Variants in PALM2AKAP2 observed in about 807,000 individuals in gnomAD.
PALM2AKAP2 encodes the protein PALM2 and AKAP2 fusion.
In PALM2AKAP2, 37 loss-of-function variants were observed where a neutral mutation model predicts 71.5. The observed-to-expected ratio is 0.52, with a 90% CI of 0.40 to 0.68. PALM2AKAP2 has a LOEUF of 0.68. PALM2AKAP2 is among the 30% of genes least tolerant of loss of function. The pLI is 0.00. For missense variants in PALM2AKAP2, 1,224 were observed against 1,191.8 expected, an observed-to-expected ratio of 1.03 and a Z score of -0.40; for synonymous variants, 468 against 478.8, an observed-to-expected ratio of 0.98 and a Z score of 0.29.
chr9:109,945,894 C>A (rs1194757714), intron 6 of PALM2AKAP2: 1 of 152,220 alleles, frequency 6.6e-6, no homozygotes, highest in South Asian at 2.1e-4. Flanking sequence ...TATCTGTATT[C>A]TCTTCACTAA....
At chr9:110,001,088 C>T (rs1417020001) in intron 6 of PALM2AKAP2, among the ~76,000 whole-genome samples, 3 of 152,206 alleles carry the variant, frequency 2.0e-5, no homozygotes, top group Non-Finnish European at 4.4e-5. Context: ...AATCCTTACC[C>T]ATGCCTATGT....
At chr9:109,672,959 T>A (rs2118495324) in intron 1 of PALM2AKAP2, among the ~76,000 whole-genome samples, 1 of 152,096 alleles carries the variant, frequency 6.6e-6, no homozygotes, top group Admixed American at 6.6e-5. Context: ...TCCTCCTTGG[T>A]GTTTCTGATT....
intron 1 of PALM2AKAP2, among the ~76,000 whole-genome samples, chr9:109,710,915 A>G (rs1828224712): frequency 6.6e-6 from 1 of 152,172 alleles, no homozygotes; most frequent in Non-Finnish European, 1.5e-5. Context: ...AGCAGGAGCT[A>G]CAGTTTATAA....
intron 1 of PALM2AKAP2, among the ~76,000 whole-genome samples, chr9:110,100,351 G>A (rs549190259): frequency 6.6e-6 from 1 of 152,176 alleles, no homozygotes; most frequent in South Asian, 2.1e-4. Flanking sequence ...ACATGTTTCA[G>A]CGTTTGTCTC....
At chr9:110,046,432 C>A, upstream of PALM2AKAP2, among the ~76,000 whole-genome samples, 1 of 149,216 alleles carries the variant, frequency 6.7e-6, no homozygotes, top group African/African-American at 2.5e-5. Flanking sequence ...AGTAAAGAAG[C>A]AATTCAGAAT....
chr9:109,865,096 C>CTTTTTTTTT (rs58922983), intron 1 of PALM2AKAP2, among the ~76,000 whole-genome samples: 6,721 of 75,398 alleles, frequency 0.089, 1,560 homozygotes, highest in Middle Eastern at 0.14. Context: ...CTACTCATTC[C>CTTTTTTTTT]TTTTTTTTTT....
At position 109,969,447 on chromosome 9, in the gene PALM2AKAP2, A is replaced by T. The variant is rs145155832; in HGVS notation, c.496+37419A>T. 1.2e-3 allele frequency among the ~76,000 whole-genome samples: 182 copies of T among 152,362 alleles called. 1 individual carries two copies. The highest frequency in any genetic ancestry group is 4.3e-3 in the African/African-American group (177 of 41,588). ...TCTTGGTCCACACACTTATGCAAGA[A>T]GTGCCACTTTGTTTTCTTTAAATCA... On this transcript the variant is annotated intron_variant, in intron 6 of 9. Transcript: ENST00000302798.
intron 3 of PALM2AKAP2, among the ~76,000 whole-genome samples, chr9:110,165,214 A>G (rs765211224): frequency 6.6e-6 from 1 of 151,988 alleles, no homozygotes; most frequent in Non-Finnish European, 1.5e-5. Context: ...AAATAAAGGA[A>G]TGAACTTTAG....
chr9:110,052,720 A>G (rs1833736134), intron 1 of PALM2AKAP2, among the ~76,000 whole-genome samples: 1 of 152,234 alleles, frequency 6.6e-6, no homozygotes, highest in Non-Finnish European at 1.5e-5. Context: ...CTGGTTAGCT[A>G]TTCCGTCTTC....
intron 6 of PALM2AKAP2, among the ~76,000 whole-genome samples, chr9:109,985,547 G>T (rs1022245523): frequency 3.3e-5 from 5 of 151,694 alleles, no homozygotes; most frequent in African/African-American, 1.2e-4. Flanking sequence ...GTGAACCTGG[G>T]GGGTGGAGCT....
At chr9:109,891,979 A>G (rs1830100268) in intron 3 of PALM2AKAP2, among the ~76,000 whole-genome samples, 2 of 152,158 alleles carry the variant, frequency 1.3e-5, no homozygotes, top group Admixed American at 6.5e-5. Context: ...TATATGTTAC[A>G]TTTACATTCT....
intron 1 of PALM2AKAP2, among the ~76,000 whole-genome samples, chr9:110,091,445 C>T (rs1415672700): frequency 4.1e-5 from 5 of 121,400 alleles, no homozygotes; most frequent in Admixed American, 1.7e-4. Flanking sequence ...GCTTTTTAAT[C>T]TTTGAGATTT....
At position 110,004,795 on chromosome 9, in the gene PALM2AKAP2, A is replaced by G. The variant is rs541513586; in HGVS notation, c.497-11159A>G. Among the ~76,000 whole-genome samples the G allele has an allele frequency of 8.5e-5, 13 of 152,144 alleles. No individual in the cohort carries two copies. In the East Asian group the frequency reaches 2.1e-3, roughly 25 times the overall value. ...TCATTCATTTGCTCTTCCATCACTG[A>G]TACCCTTTCTTCCAGTTGATCGAAT... On this transcript the variant is annotated intron_variant, in intron 6 of 9. Transcript: ENST00000302798.
At chr9:109,922,028 C>T (rs1169965523) in intron 3 of PALM2AKAP2, among the ~76,000 whole-genome samples, 1 of 152,050 alleles carries the variant, frequency 6.6e-6, no homozygotes, top group Non-Finnish European at 1.5e-5. Context: ...TAAATTCATG[C>T]CTGGATCTTG....
intron 1 of PALM2AKAP2, among the ~76,000 whole-genome samples, chr9:109,795,541 T>C (rs1011656733): frequency 6.6e-6 from 1 of 152,254 alleles, no homozygotes; most frequent in African/African-American, 2.4e-5. Flanking sequence ...TTTCAGCTCC[T>C]ATGTGAACTC....
chr9:109,981,656 GTT>G (rs1350802760), intron 6 of PALM2AKAP2, among the ~76,000 whole-genome samples: 1 of 152,112 alleles, frequency 6.6e-6, no homozygotes, highest in East Asian at 1.9e-4. Flanking sequence ...TTGTTGTTTT[GTT>G]TTTGTTTTTG....
intron 7 of PALM2AKAP2, among the ~76,000 whole-genome samples, chr9:110,041,334 T>C (rs1377087952): frequency 6.6e-6 from 1 of 152,082 alleles, no homozygotes; most frequent in African/African-American, 2.4e-5. Context: ...GCCATTTACA[T>C]GTATATTACA....
intron 1 of PALM2AKAP2, among the ~76,000 whole-genome samples, chr9:110,073,172 C>T (rs908088966): frequency 1.3e-5 from 2 of 152,240 alleles, no homozygotes; most frequent in Non-Finnish European, 1.5e-5. Flanking sequence ...GTCTTTAGTG[C>T]GAAGCCCTGA....
chr9:110,142,068 CTTTT>C (rs994621645), intron 2 of PALM2AKAP2, among the ~76,000 whole-genome samples: 1 of 121,840 alleles, frequency 8.2e-6, no homozygotes, highest in Admixed American at 8.4e-5. Context: ...TCTTATTTTA[CTTTT>C]TTTTTTTTTT....
Sources: gnomAD v4.1 joint callset for allele counts (sites outside exome capture counted in the v4.1 genomes callset) on GRCh38, gnomAD v4.1.1 for gene constraint, MANE v1.5 for transcripts, NCBI Gene and HGNC (gene_info 2026-07-23, HGNC 2026-07-21) for gene names.